The following FRMD3 variants were observed in gnomAD, a reference collection of about 807,000 sequenced individuals.
FRMD3 encodes FERM domain-containing protein 3.
FRMD3 carries 33 observed loss-of-function variants against 70.2 expected under a neutral mutation model. The ratio of observed to expected loss-of-function variants is 0.47; its 90% CI spans 0.36 to 0.63. The LOEUF is 0.63. Among genes scored for constraint, FRMD3 ranks in the 20% least tolerant of loss-of-function variants. The pLI, the probability that FRMD3 is intolerant of heterozygous loss-of-function variation, is 0.00. For missense variants in FRMD3, 632 were observed against 711.4 expected, an observed-to-expected ratio of 0.89 and a Z score of 1.27; for synonymous variants, 279 against 255.9, an observed-to-expected ratio of 1.09 and a Z score of -0.86.
At position 83,311,927 on chromosome 9, in the gene FRMD3, C is replaced by T; in HGVS notation, c.733G>A (p.Val245Met). Residue 245 changes from valine (V) to methionine (M), a missense_variant, in exon 8 of 14, where the codon GTG becomes ATG. By Grantham distance (21) the Val-to-Met change is conservative. Around this residue, in one of 3 missense-constraint regions of FRMD3, gnomAD observed 418 missense variants for 442.1 expected, o/e 0.95. Coordinates refer to ENST00000304195, the MANE Select transcript of FRMD3 (RefSeq NM_174938.6). ...TFLGFTAAGF[V>M]VFQGNKRIHL... ...ATTCTCTTATTTCCCTGAAAGACCA[C>T]AAAGCCTGCAGCTGTGAATCCTAAA... The T allele has an allele frequency of 6.2e-7, 1 of 1,608,168 alleles. No homozygotes were observed. Among genetic ancestry groups the T allele is most frequent in the South Asian group, 1.1e-5 (1 of 90,432 alleles).
chr9:83,459,416 TG>T (rs1827908328), intron 1 of FRMD3, among the ~76,000 whole-genome samples: 1 of 152,250 alleles, frequency 6.6e-6, no homozygotes, highest in African/African-American at 2.4e-5. Flanking sequence ...ATTTCAGCCA[TG>T]TCTGGGTGGA....
intron 2 of FRMD3, among the ~76,000 whole-genome samples, chr9:83,373,654 C>T (rs1487194148): frequency 7.0e-5 from 5 of 71,796 alleles, no homozygotes; most frequent in East Asian, 3.3e-4. Context: ...AAGATCACTT[C>T]GACATGCTGA....
chr9:83,342,543 A>C (rs1484502308), intron 5 of FRMD3, among the ~76,000 whole-genome samples: 3 of 152,188 alleles, frequency 2.0e-5, no homozygotes, highest in African/African-American at 7.2e-5. Context: ...AGAAAGATTC[A>C]AATGGTGGTG....
chr9:83,572,144 T>C, the FRMD3 span, among the ~76,000 whole-genome samples: 2 of 138,816 alleles, frequency 1.4e-5, no homozygotes, highest in African/African-American at 3.2e-5. Context: ...GTGAAGTTTT[T>C]TGAGGTGTGT....
chr9:83,513,077 A>G (rs1028788041), intron 1 of FRMD3, among the ~76,000 whole-genome samples: 1 of 152,206 alleles, frequency 6.6e-6, no homozygotes, highest in African/African-American at 2.4e-5. Flanking sequence ...TTAGAGAAAC[A>G]TAGAGAAACA....
rs191506640 is a variant in FRMD3, at chr9:83,366,743, T to C, written c.295+6170A>G. On this transcript the variant is annotated intron_variant, in intron 3 of 13. Coordinates refer to ENST00000304195, the MANE Select transcript of FRMD3 (RefSeq NM_174938.6). ...GAGTCATAGTGTGTAACTTTAAAAG[T>C]TTTTTCATGCTAATATAATTTGAGC... 2.6e-5 allele frequency among the ~76,000 whole-genome samples: 4 copies of C among 152,180 alleles called. No homozygotes were observed. The East Asian group carries it at 5.8e-4, about 22-fold the overall frequency.
At chr9:83,357,513 A>T (rs1296349823) in intron 3 of FRMD3, among the ~76,000 whole-genome samples, 4 of 151,794 alleles carry the variant, frequency 2.6e-5, no homozygotes, top group African/African-American at 9.7e-5. Flanking sequence ...ACTGTTTTCC[A>T]TAGTGGTTGT....
rs1441774312 is a variant in FRMD3 at position 83,534,063 on chromosome 9, TAG to T, written c.147+4020_147+4021del. On this transcript the variant is annotated intron_variant, in intron 1 of 13. Coordinates refer to ENST00000304195, the MANE Select transcript of FRMD3 (RefSeq NM_174938.6). Reference sequence around the variant, plus strand: ...GAAGTAGCAAGGCTGAATGAAGAATTAGAGTCAAACCTCATCCTCCTACAAAA... The same window carrying T: ...GAAGTAGCAAGGCTGAATGAAGAATTAGTCAAACCTCATCCTCCTACAAAA... Among the ~76,000 whole-genome samples, 7 of 152,308 alleles carry T rather than the reference TAG, an allele frequency of 4.6e-5. No homozygotes were observed. In the East Asian group the frequency reaches 1.3e-3, roughly 29 times the overall value.
rs1483192120 is a variant in FRMD3, at chr9:83,474,973, C to A, written c.147+63112G>T. On this transcript the variant is annotated intron_variant, in intron 1 of 13. Coordinates refer to ENST00000304195, the MANE Select transcript of FRMD3 (RefSeq NM_174938.6). ...TTCATTTGGGACTCCTAAAAGGCTA[C>A]ACCTGGGTAGGGAGATTGAGTTGAG... Among the ~76,000 whole-genome samples, 9 of 152,260 alleles carry A rather than the reference C, an allele frequency of 5.9e-5. No homozygotes were observed. In the South Asian group the frequency reaches 1.9e-3, roughly 32 times the overall value.
intron 1 of FRMD3, among the ~76,000 whole-genome samples, chr9:83,517,537 T>A: frequency 7.0e-6 from 1 of 143,780 alleles, no homozygotes; most frequent in Admixed American, 7.0e-5. Flanking sequence ...GACCGATGGA[T>A]TCACAGGCGA....
At position 83,397,411 on chromosome 9, in the gene FRMD3, C is replaced by T. The variant is rs1825837735; in HGVS notation, c.148-7703G>A. 5.9e-5 allele frequency among the ~76,000 whole-genome samples: 9 copies of T among 152,196 alleles called. 1 individual carries two copies. Among genetic ancestry groups the T allele is most frequent in the Admixed American group, 5.9e-4 (9 of 15,280 alleles). On this transcript the variant is annotated intron_variant, in intron 1 of 13. Coordinates refer to ENST00000304195, the MANE Select transcript of FRMD3 (RefSeq NM_174938.6). ...CATCCTCAGAGCCAGGAAACATCCTCAGCGGACACAGCTTTGGGCTGCCCT... is the reference window on the plus strand; with the variant it reads ...CATCCTCAGAGCCAGGAAACATCCTTAGCGGACACAGCTTTGGGCTGCCCT...
chr9:83,296,538 G>A lies in FRMD3; in HGVS notation c.1070+2210C>T, dbSNP rs1834669033. Among the ~76,000 whole-genome samples the A allele has an allele frequency of 2.0e-5, 3 of 152,090 alleles. No homozygotes were observed. In the South Asian group the frequency reaches 6.2e-4, roughly 31 times the overall value. On this transcript the variant is annotated intron_variant, in intron 12 of 13. Coordinates refer to ENST00000304195, the MANE Select transcript of FRMD3 (RefSeq NM_174938.6). ...CATTACATTAATCAAATTCTTTCTG[G>A]TGTTGTCAGAGATTTGAGAGATGCT...
chr9:83,243,280 A>AAGT (rs1831942296), downstream of FRMD3: 3 of 1,495,470 alleles, frequency 2.0e-6, no homozygotes, highest in South Asian at 3.6e-5. Context: ...GCAGGAGGAC[A>AAGT]AGTAAGCAGC....
At chr9:83,440,542 C>A (rs1206535924) in intron 1 of FRMD3, among the ~76,000 whole-genome samples, 1 of 152,154 alleles carries the variant, frequency 6.6e-6, no homozygotes, top group Non-Finnish European at 1.5e-5. Flanking sequence ...GCCTCCAGGG[C>A]AATATACAAC....
intron 1 of FRMD3, among the ~76,000 whole-genome samples, chr9:83,459,342 G>T (rs572668710): frequency 1.3e-5 from 2 of 152,060 alleles, no homozygotes; most frequent in Non-Finnish European, 2.9e-5. Flanking sequence ...TCCCCACCTG[G>T]AGCAGGTATC....
intron 1 of FRMD3, among the ~76,000 whole-genome samples, chr9:83,477,940 C>T (rs1828438638): frequency 6.6e-6 from 1 of 152,174 alleles, no homozygotes; most frequent in Non-Finnish European, 1.5e-5. Flanking sequence ...AAAAAGGCAG[C>T]AGACTCTCAC....
At chr9:83,322,774 A>T (rs557541191) in intron 6 of FRMD3, among the ~76,000 whole-genome samples, 21 of 152,310 alleles carry the variant, frequency 1.4e-4, no homozygotes, top group Admixed American at 7.2e-4. Context: ...ACTATTAGTC[A>T]GTTCCCAGCT....
At chr9:83,307,943 G>A (rs146917248) in intron 10 of FRMD3, among the ~76,000 whole-genome samples, 48 of 152,252 alleles carry the variant, frequency 3.2e-4, no homozygotes, top group African/African-American at 1.1e-3. Flanking sequence ...TTCTAGACAT[G>A]TAGATTTTCC....
At chr9:83,458,514 A>G (rs576055871) in intron 1 of FRMD3, among the ~76,000 whole-genome samples, 3 of 152,346 alleles carry the variant, frequency 2.0e-5, no homozygotes, top group Admixed American at 6.5e-5. Flanking sequence ...GACCCTTGCA[A>G]TGGTACTGGG....
Sources: allele counts gnomAD v4.1 joint callset (sites outside exome capture counted in the v4.1 genomes callset), GRCh38; gene constraint gnomAD v4.1.1; regional missense constraint gnomAD v4.1.1; transcripts MANE v1.5; gene names NCBI Gene and HGNC (gene_info 2026-07-23, HGNC 2026-07-21).